Variants in FGF14 observed in about 807,000 individuals in gnomAD.
FGF14 encodes fibroblast growth factor 14, also known as fibroblast growth factor homologous factor 4.
Under a neutral mutation model 25.5 loss-of-function variants are expected in FGF14, and 5 were observed. The observed-to-expected ratio is 0.20, with a 90% confidence interval of 0.10 to 0.41. The LOEUF (loss-of-function observed/expected upper bound fraction) is 0.41, where lower values mean the gene tolerates loss of function less well. Among genes scored for constraint, FGF14 ranks in the 10% least tolerant of loss-of-function variants. The pLI is 1.00. For synonymous variants in FGF14, 138 were observed against 118.3 expected (o/e 1.17, Z -1.08); for missense variants, 222 against 320.1 (o/e 0.69, Z 2.34).
intron 3 of FGF14, among the ~76,000 whole-genome samples, chr13:101,849,934 T>C (rs1367952095): frequency 6.6e-6 from 1 of 151,950 alleles, no homozygotes; most frequent in Non-Finnish European, 1.5e-5. Context: ...CCACCAAAGC[T>C]CTGAGATCTG....
intron 3 of FGF14, among the ~76,000 whole-genome samples, chr13:101,730,727 G>T (rs1426125579): frequency 2.0e-5 from 3 of 152,074 alleles, no homozygotes; most frequent in Non-Finnish European, 2.9e-5. Flanking sequence ...AGATCTCCAG[G>T]GATAATGTGC....
At chr13:102,202,186 T>G (rs2049688535) in intron 1 of FGF14, among the ~76,000 whole-genome samples, 1 of 152,182 alleles carries the variant, frequency 6.6e-6, no homozygotes, top group African/African-American at 2.4e-5. Flanking sequence ...CATGAGCCAG[T>G]TAAACCTCTT....
intron 1 of FGF14, among the ~76,000 whole-genome samples, chr13:102,277,931 T>C (rs1487734032): frequency 6.6e-6 from 1 of 152,234 alleles, no homozygotes; most frequent in Non-Finnish European, 1.5e-5. Flanking sequence ...TTTGCACAAA[T>C]GGGATCATAT....
chr13:102,241,403 T>C (rs1460718933), intron 1 of FGF14, among the ~76,000 whole-genome samples: 1 of 152,168 alleles, frequency 6.6e-6, no homozygotes, highest in African/African-American at 2.4e-5. Flanking sequence ...TCTGCAATTG[T>C]ACCCCATACA....
chr13:101,825,379 T>C (rs978589176), intron 3 of FGF14, among the ~76,000 whole-genome samples: 6 of 152,360 alleles, frequency 3.9e-5, no homozygotes, highest in Admixed American at 3.3e-4. Context: ...AAATGGTTTG[T>C]TTCTTCCTAT....
At chr13:102,091,823 C>T (rs2140246402) in intron 1 of FGF14, among the ~76,000 whole-genome samples, 1 of 152,214 alleles carries the variant, frequency 6.6e-6, no homozygotes, top group African/African-American at 2.4e-5. Flanking sequence ...TACCAGCTGA[C>T]AACTTTTTAC....
intron 3 of FGF14, among the ~76,000 whole-genome samples, chr13:101,808,794 A>C (rs779186147): frequency 5.3e-5 from 8 of 152,272 alleles, no homozygotes; most frequent in Non-Finnish European, 5.9e-5. Flanking sequence ...GGCAATGTCT[A>C]GATATAAAAC....
At chr13:102,105,898 T>C (rs1297033478) in intron 1 of FGF14, among the ~76,000 whole-genome samples, 1 of 152,204 alleles carries the variant, frequency 6.6e-6, no homozygotes, top group East Asian at 1.9e-4. Flanking sequence ...CTATTAATTA[T>C]TATCAATTGC....
intron 1 of FGF14, among the ~76,000 whole-genome samples, chr13:102,039,603 T>A (rs2041635855): frequency 6.6e-6 from 1 of 152,170 alleles, no homozygotes; most frequent in Non-Finnish European, 1.5e-5. Flanking sequence ...TAGATGTGCC[T>A]GTGTCCAAAT....
chr13:102,324,199 C>T (rs1040199040), intron 1 of FGF14, among the ~76,000 whole-genome samples: 1 of 152,082 alleles, frequency 6.6e-6, no homozygotes, highest in Admixed American at 6.6e-5. Context: ...AAAGAAGCGG[C>T]TGTGGGCTTA....
At chr13:101,906,970 T>C (rs2032323865) in intron 1 of FGF14, among the ~76,000 whole-genome samples, 1 of 152,194 alleles carries the variant, frequency 6.6e-6, no homozygotes, top group Admixed American at 6.6e-5. Flanking sequence ...TTTATGACTA[T>C]TTCTTTCTAC....
intron 1 of FGF14, among the ~76,000 whole-genome samples, chr13:101,928,378 C>G (rs1051307181): frequency 6.6e-6 from 1 of 151,042 alleles, no homozygotes; most frequent in Admixed American, 6.6e-5. Context: ...ATACTTAAAA[C>G]ATTCTAAACT....
At chr13:102,310,701 G>T (rs1191619038) in intron 1 of FGF14, among the ~76,000 whole-genome samples, 7 of 62,592 alleles carry the variant, frequency 1.1e-4, no homozygotes, top group Admixed American at 1.5e-4. Flanking sequence ...GTGTGTGGGG[G>T]GGGGGGGGTG....
At chr13:101,806,366 C>T (rs1205054832) in intron 3 of FGF14, among the ~76,000 whole-genome samples, 2 of 149,842 alleles carry the variant, frequency 1.3e-5, no homozygotes, top group South Asian at 2.1e-4. Context: ...TTACAGTGAG[C>T]CAAGATTGTG....
intron 1 of FGF14, among the ~76,000 whole-genome samples, chr13:102,066,027 G>C (rs2042890067): frequency 6.6e-6 from 1 of 151,904 alleles, no homozygotes; most frequent in African/African-American, 2.4e-5. Flanking sequence ...TGTAGCTCTT[G>C]GCTCTATTTT....
intron 1 of FGF14, among the ~76,000 whole-genome samples, chr13:101,904,633 G>A (rs151019658): frequency 3.3e-5 from 5 of 152,278 alleles, no homozygotes; most frequent in East Asian, 1.9e-4. Flanking sequence ...AACTCACAAA[G>A]ACACAAACAT....
At chr13:101,756,561 C>G (rs560515957) in intron 3 of FGF14, among the ~76,000 whole-genome samples, 177 of 152,132 alleles carry the variant, frequency 1.2e-3, no homozygotes, top group African/African-American at 4.1e-3. Context: ...GGTGAAACCC[C>G]GTCTCTACTA....
At chr13:101,753,522 T>G (rs2037437824) in intron 3 of FGF14, among the ~76,000 whole-genome samples, 2 of 152,176 alleles carry the variant, frequency 1.3e-5, no homozygotes, top group South Asian at 4.1e-4. Flanking sequence ...ATTTCCTTGT[T>G]GGCCAGGCGC....
chr13:102,298,465 C>T lies in FGF14; in HGVS notation c.208+103006G>A, dbSNP rs927424096. ...TTGTGAATTTATCTTTTCAATTAAC[C>T]AGTTGCTCCTGATCCCAATTGACTA... On this transcript the variant is annotated intron_variant, in intron 1 of 4. Coordinates refer to the FGF14 transcript ENST00000376131. Among the ~76,000 whole-genome samples, 3 of 152,032 alleles carry T rather than the reference C, an allele frequency of 2.0e-5. 1 individual carries two copies. The highest frequency in any genetic ancestry group is 1.5e-5 in the Non-Finnish European group (1 of 68,006).
Sources: allele counts gnomAD v4.1 joint callset (sites outside exome capture counted in the v4.1 genomes callset), GRCh38; gene constraint gnomAD v4.1.1; transcripts MANE v1.5; gene names NCBI Gene and HGNC (gene_info 2026-07-23, HGNC 2026-07-21).